The following PXDNL variants were observed in gnomAD, a reference collection of about 807,000 sequenced individuals.
PXDNL encodes the protein probable oxidoreductase PXDNL.
PXDNL carries 145 observed loss-of-function variants against 150.8 expected under a neutral mutation model. The ratio of observed to expected loss-of-function variants is 0.96; its 90% CI spans 0.84 to 1.10. PXDNL has a LOEUF of 1.10. Among genes scored for constraint, PXDNL ranks in the 50% least tolerant of loss-of-function variants. The pLI is 0.00. For synonymous variants in PXDNL, 757 were observed against 725.7 expected (o/e 1.04, Z -0.69); for missense variants, 2,087 against 1,873.9 (o/e 1.11, Z -2.10).
At position 51,408,868 on chromosome 8, in the gene PXDNL, A is replaced by G; in HGVS notation, c.2756T>C (p.Leu919Pro). The G allele has an allele frequency of 1.3e-6, 2 of 1,591,800 alleles. No homozygotes were observed. The highest frequency in any genetic ancestry group is 2.3e-5 in the South Asian group (2 of 88,070). The change falls in exon 17 of 23, where the codon CTC (leucine) becomes CCC (proline). Residue 919 changes from leucine to proline, a missense_variant. Transcript: ENST00000356297. ...ALRDPSVPRG[L>P]LKTGFPWPPS... ...AGGCCAAGGAAAGCCTGTCTTCAGGAGACCCCGAGGCACCGAAGGGTCTCT... is the reference window on the plus strand; with the variant it reads ...AGGCCAAGGAAAGCCTGTCTTCAGGGGACCCCGAGGCACCGAAGGGTCTCT...
chr8:51,489,852 C>T (rs4873195), intron 5 of PXDNL, among the ~76,000 whole-genome samples: 48,724 of 151,990 alleles, frequency 0.32, 8,695 homozygotes, highest in African/African-American at 0.47. Context: ...CTTTTCATAG[C>T]AAGTTCTTCA....
intron 17 of PXDNL, among the ~76,000 whole-genome samples, chr8:51,400,363 A>T (rs1281473891): frequency 6.6e-6 from 1 of 152,214 alleles, no homozygotes; most frequent in Non-Finnish European, 1.5e-5. Context: ...TCATGATAGT[A>T]CTAAAAAATT....
At chr8:51,797,537 A>G (rs1585757684) in intron 1 of PXDNL, among the ~76,000 whole-genome samples, 1 of 152,190 alleles carries the variant, frequency 6.6e-6, no homozygotes, top group Admixed American at 6.5e-5. Flanking sequence ...ACAACAGACA[A>G]GCAGAGAGCC....
chr8:51,421,096 A>G (rs1031666752), intron 14 of PXDNL, among the ~76,000 whole-genome samples: 18 of 152,366 alleles, frequency 1.2e-4, no homozygotes, highest in African/African-American at 4.3e-4. Flanking sequence ...CACTGAGATT[A>G]CAGTGCTTCT....
At chr8:51,649,500 CTG>C (rs1265835930) in intron 2 of PXDNL, among the ~76,000 whole-genome samples, 3 of 152,058 alleles carry the variant, frequency 2.0e-5, no homozygotes, top group Non-Finnish European at 4.4e-5. Context: ...GGTGAAGAAA[CTG>C]TGATCCAAGG....
intron 5 of PXDNL, among the ~76,000 whole-genome samples, chr8:51,498,604 A>G (rs1811110592): frequency 6.6e-6 from 1 of 152,138 alleles, no homozygotes; most frequent in Non-Finnish European, 1.5e-5. Context: ...TCATCTGGAA[A>G]AGTGTAGACA....
At chr8:51,768,565 A>C (rs1453992213) in intron 1 of PXDNL, among the ~76,000 whole-genome samples, 2 of 152,234 alleles carry the variant, frequency 1.3e-5, no homozygotes, top group African/African-American at 4.8e-5. Context: ...TCAAGTTCCA[A>C]ATTTTCAGAT....
intron 4 of PXDNL, among the ~76,000 whole-genome samples, chr8:51,543,461 G>T (rs911709241): frequency 6.6e-6 from 1 of 152,066 alleles, no homozygotes; most frequent in Non-Finnish European, 1.5e-5. Context: ...AAGAGGAAAT[G>T]TAAGTTAAAA....
intron 21 of PXDNL, among the ~76,000 whole-genome samples, chr8:51,338,730 C>T (rs1805905245): frequency 6.6e-6 from 1 of 152,178 alleles, no homozygotes; most frequent in Admixed American, 6.5e-5. Context: ...ATTTCTAATA[C>T]AAGTCTTTTC....
intron 5 of PXDNL, among the ~76,000 whole-genome samples, chr8:51,497,980 A>G (rs1309288881): frequency 2.0e-5 from 3 of 152,162 alleles, no homozygotes; most frequent in Non-Finnish European, 4.4e-5. Context: ...ACACATGCAC[A>G]TGTATGTTTA....
chr8:51,688,437 A>G (rs1815920404), intron 1 of PXDNL, among the ~76,000 whole-genome samples: 1 of 152,216 alleles, frequency 6.6e-6, no homozygotes, highest in African/African-American at 2.4e-5. Context: ...ACAGAAAGTG[A>G]GGTCAAAGCA....
At chr8:51,628,345 C>A (rs1485788441) in intron 2 of PXDNL, among the ~76,000 whole-genome samples, 5 of 143,324 alleles carry the variant, frequency 3.5e-5, no homozygotes, top group Non-Finnish European at 7.7e-5. Flanking sequence ...TTATTTCTTT[C>A]TTTCTTTCTT....
intron 2 of PXDNL, among the ~76,000 whole-genome samples, chr8:51,648,070 T>A (rs935387733): frequency 6.6e-6 from 1 of 152,170 alleles, no homozygotes; most frequent in Non-Finnish European, 1.5e-5. Flanking sequence ...ATTCTTCTTT[T>A]TGCAACTCAA....
At chr8:51,630,768 G>C (rs1814473268) in intron 2 of PXDNL, among the ~76,000 whole-genome samples, 1 of 149,992 alleles carries the variant, frequency 6.7e-6, no homozygotes, top group African/African-American at 2.4e-5. Flanking sequence ...TATTATCTAA[G>C]AGTCAAAAAT....
intron 14 of PXDNL, among the ~76,000 whole-genome samples, chr8:51,420,674 C>G (rs1808925896): frequency 3.3e-5 from 5 of 152,048 alleles, no homozygotes; most frequent in Admixed American, 2.6e-4. Flanking sequence ...GTGATTAATA[C>G]ATTTTACTGA....
At chr8:51,494,107 G>A (rs1477587074) in intron 5 of PXDNL, among the ~76,000 whole-genome samples, 2 of 152,184 alleles carry the variant, frequency 1.3e-5, no homozygotes, top group East Asian at 3.9e-4. Flanking sequence ...CAAGCCAGAA[G>A]AGAGTGGGGG....
chr8:51,734,492 C>A (rs1480284324), intron 1 of PXDNL, among the ~76,000 whole-genome samples: 2 of 152,152 alleles, frequency 1.3e-5, no homozygotes. Context: ...ATCTCTAACT[C>A]TTTAGGAACT....
chr8:51,363,867 T>G (rs1806832095), intron 19 of PXDNL, among the ~76,000 whole-genome samples: 1 of 152,126 alleles, frequency 6.6e-6, no homozygotes, highest in Non-Finnish European at 1.5e-5. Context: ...AAAAGATTAT[T>G]CCTGGAGAAA....
intron 1 of PXDNL, among the ~76,000 whole-genome samples, chr8:51,731,919 C>T (rs2130935251): frequency 6.6e-6 from 1 of 152,270 alleles, no homozygotes; most frequent in East Asian, 1.9e-4. Context: ...GCCTCCAAGG[C>T]CTGTGATGGG....
Sources: allele counts gnomAD v4.1 joint callset (sites outside exome capture counted in the v4.1 genomes callset), GRCh38; gene constraint gnomAD v4.1.1; transcripts MANE v1.5; gene names NCBI Gene and HGNC (gene_info 2026-07-23, HGNC 2026-07-21).